The following CCDC92B variants were observed in gnomAD, a reference collection of about 807,000 sequenced individuals.
The protein encoded by CCDC92B is coiled-coil domain-containing 92B.
Under a neutral mutation model 5.6 loss-of-function variants are expected in CCDC92B, and 2 were observed. The observed-to-expected ratio is 0.36, with a 90% CI of 0.15 to 1.12. The LOEUF is 1.12. Among genes scored for constraint, CCDC92B ranks in the 50% most tolerant of loss-of-function variants. The pLI is 0.40. For missense variants in CCDC92B, 271 were observed against 262.2 expected (o/e 1.03, Z -0.23); for synonymous variants, 115 against 122.3 (o/e 0.94, Z 0.39).
chr17:2,738,304 C>T (rs1474348168), intron 1 of CCDC92B, among the ~76,000 whole-genome samples: 1 of 152,038 alleles, frequency 6.6e-6, no homozygotes, highest in Non-Finnish European at 1.5e-5. Flanking sequence ...TCCCAAAGTG[C>T]TGGGATTACA....
At chr17:2,725,116 CA>C in intron 3 of CCDC92B, 116 bp from the exon 4 acceptor site, 1 of 985,690 alleles carries the variant, frequency 1.0e-6, no homozygotes, top group African/African-American at 1.7e-5. Flanking sequence ...CTCATTTCTG[CA>C]ATCCCAGCAC....
rs140023591 is a variant in CCDC92B, at chr17:2,735,677, C to T, written c.-23-509G>A. Among the ~76,000 whole-genome samples the T allele has an allele frequency of 3.7e-3, 569 of 152,296 alleles. 3 individuals are homozygous for T. The highest frequency in any genetic ancestry group is 0.013 in the African/African-American group (520 of 41,562). ...AACTCCTAACCTCAGGAGATCCATC[C>T]GCCTTGGCCTCCCAGAGTGCCAGGA... is the stretch of plus-strand genomic sequence containing the variant. On this transcript the variant is annotated intron_variant, in intron 1 of 3. Transcript: ENST00000614400.
At chr17:2,739,049 C>T (rs1306850934) in intron 1 of CCDC92B, among the ~76,000 whole-genome samples, 3 of 145,290 alleles carry the variant, frequency 2.1e-5, no homozygotes, top group Non-Finnish European at 3.0e-5. Context: ...CCAGCCTGGG[C>T]AATAGAGCAA....
At chr17:2,746,163 G>C (rs922526998) in intron 1 of CCDC92B, among the ~76,000 whole-genome samples, 3 of 152,110 alleles carry the variant, frequency 2.0e-5, no homozygotes, top group Non-Finnish European at 4.4e-5. Flanking sequence ...TGTATTTTTA[G>C]TAGAGACGTG....
chr17:2,745,066 C>CA (rs60179555), intron 1 of CCDC92B, among the ~76,000 whole-genome samples: 26,263 of 79,204 alleles, frequency 0.33, 4,869 homozygotes, highest in Non-Finnish European at 0.46. Context: ...GACCCTGTCT[C>CA]AAAAAAAAAA....
chr17:2,725,201 C>G (rs2070713191), intron 3 of CCDC92B, among the ~76,000 whole-genome samples: 1 of 151,864 alleles, frequency 6.6e-6, no homozygotes, highest in Admixed American at 6.6e-5. Context: ...TGGTGAAACC[C>G]AGTCTCTACT....
At position 2,735,072 on chromosome 17, in the gene CCDC92B, A is replaced by C; in HGVS notation, c.74T>G (p.Met25Arg). Residue 25 changes from methionine (M) to arginine (R), a missense_variant, in exon 2 of 4, where the codon ATG (methionine) becomes AGG (arginine). Transcript: ENST00000614400. Reference sequence around the variant, plus strand: ...CAGGTGCAGGTCTCGCAGCAGGGCCATCTGCTCCTTTTTCAGGAAGCTGAT... The same window carrying C: ...CAGGTGCAGGTCTCGCAGCAGGGCCCTCTGCTCCTTTTTCAGGAAGCTGAT... ...RHISFLKKEQMALLRDLHLEI... is the reference protein window; with the variant it reads ...RHISFLKKEQRALLRDLHLEI... 1.0e-6 allele frequency: 1 copy of C among 985,538 alleles called. No homozygotes were observed. Among genetic ancestry groups the C allele is most frequent in the Non-Finnish European group, 1.2e-6 (1 of 830,008 alleles). The allele number at this position is 985,538 out of a possible 1,614,324, so 61.0% of individuals were successfully genotyped here.
At chr17:2,748,312 G>A in intron 1 of CCDC92B, 2 of 1,224,008 alleles carry the variant, frequency 1.6e-6, no homozygotes, top group Non-Finnish European at 2.1e-6. Context: ...TTACCATGAA[G>A]CCATCCCTGA....
In CCDC92B at chr17:2,725,080, C is replaced by T. The variant is rs987907432; in HGVS notation, c.179-80G>A. On this transcript the variant is annotated intron_variant, in intron 3 of 3. Transcript: ENST00000614400. Reference sequence around the variant, plus strand: ...CTGCACGGCTCAGAGCTCCGTGTAACAAAACCCCCAGGCCGGGCGCGGGGC... The same window carrying T: ...CTGCACGGCTCAGAGCTCCGTGTAATAAAACCCCCAGGCCGGGCGCGGGGC... The T allele has an allele frequency of 5.1e-6, 5 of 984,036 alleles. No individual in the cohort carries two copies. In the African/African-American group the frequency reaches 8.8e-5, roughly 17 times the overall value. The allele number at this position is 984,036 out of a possible 1,614,324, so 61.0% of individuals were successfully genotyped here. A position where few individuals can be genotyped will look rare whatever the true frequency, so the allele number is the denominator to read the frequency against.
intron 1 of CCDC92B, among the ~76,000 whole-genome samples, chr17:2,749,085 G>T (rs1035196554): frequency 2.0e-5 from 3 of 152,230 alleles, no homozygotes; most frequent in Non-Finnish European, 4.4e-5. Flanking sequence ...GGGTTGGGGG[G>T]GGGATGTGGA....
rs577441326 is a variant in CCDC92B, at chr17:2,723,890, G to T, written c.*521C>A. On this transcript the variant is annotated 3_prime_UTR_variant, in exon 4 of 4. Coordinates refer to ENST00000614400, the MANE Select transcript of CCDC92B (RefSeq NM_001355573.2). ...AAGGACCTATCGGCAGGGTCAGGGT[G>T]GGGGTAGAAGGACCAGCCCCTAGCC... 13 of 963,850 alleles carry T rather than the reference G, an allele frequency of 1.3e-5. No homozygotes were observed. Among genetic ancestry groups the T allele is most frequent in the Non-Finnish European group, 1.6e-5 (13 of 810,424 alleles). 59.7% of individuals were successfully genotyped at this position (963,850 alleles called of 1,614,324 possible).
At chr17:2,729,169 G>A (rs1483594689) in intron 3 of CCDC92B, among the ~76,000 whole-genome samples, 22 of 152,042 alleles carry the variant, frequency 1.4e-4, no homozygotes, top group Non-Finnish European at 4.4e-5. Flanking sequence ...ACCACACCTG[G>A]CCTTGTGATT....
rs75940773 is a variant in CCDC92B, at chr17:2,727,958, T to C, written c.178+2488A>G. 3.0e-4 allele frequency among the ~76,000 whole-genome samples: 45 copies of C among 152,134 alleles called. No homozygotes were observed. In the East Asian group the frequency reaches 8.7e-3, roughly 29 times the overall value. ...AGGAGTACAAAGCTGCAGTGAGCTA[T>C]GATTCTGCTACTGCACACTACAGCC... is the stretch of plus-strand genomic sequence containing the variant. On this transcript the variant is annotated intron_variant, in intron 3 of 3. Transcript: ENST00000614400.
intron 1 of CCDC92B, chr17:2,748,534 G>A (rs965328823): frequency 1.9e-5 from 19 of 978,390 alleles, no homozygotes; most frequent in Non-Finnish European, 4.8e-6. Context: ...GTGTGTGTGT[G>A]TGTGTGCATG....
chr17:2,724,549 G>A lies in CCDC92B; in HGVS notation c.630C>T (p.Pro210=), dbSNP rs1477518280. The change falls in exon 4 of 4, where the codon CCC becomes CCT. Residue 210 remains proline (P), a synonymous_variant. Transcript: ENST00000614400. The surrounding 1 kb of genome is among the most constrained non-coding windows in gnomAD (Gnocchi z 5.0). The part of the protein sequence containing the change: ...ALDDADPMPD[P]ALFLYARRPL... The stretch of plus-strand genomic sequence containing the variant: ...GCCTGCGTGCATAGAGGAAGAGCGC[G>A]GGGTCGGGCATGGGGTCGGCGTCGT... 11 of 982,266 alleles carry A rather than the reference G, an allele frequency of 1.1e-5. No homozygotes were observed. The East Asian group carries it at 5.7e-4, about 51-fold the overall frequency. The allele number at this position is 982,266 out of a possible 1,614,324, so 60.8% of individuals were successfully genotyped here.
intron 1 of CCDC92B, among the ~76,000 whole-genome samples, chr17:2,739,136 G>A (rs1015800102): frequency 1.3e-5 from 2 of 151,658 alleles, no homozygotes; most frequent in African/African-American, 2.4e-5. Context: ...GGGAGGCCAA[G>A]GTGGGCGGAT....
chr17:2,726,326 C>T (rs1210058526), intron 3 of CCDC92B, among the ~76,000 whole-genome samples: 1 of 148,700 alleles, frequency 6.7e-6, no homozygotes, highest in East Asian at 2.0e-4. Flanking sequence ...TACAGGCGCC[C>T]GCCACCATGC....
At position 2,725,014 on chromosome 17, in the gene CCDC92B, G is replaced by A; in HGVS notation, c.179-14C>T. 2.6e-5 allele frequency: 26 copies of A among 985,392 alleles called. No homozygotes were observed. The highest frequency in any genetic ancestry group is 3.1e-5 in the Non-Finnish European group (26 of 829,946). 61.0% of individuals were successfully genotyped at this position (985,392 alleles called of 1,614,324 possible). A position where few individuals can be genotyped will look rare whatever the true frequency, so the allele number is the denominator to read the frequency against. On this transcript the variant is annotated splice_polypyrimidine_tract_variant and intron_variant, in intron 3 of 3. Coordinates refer to ENST00000614400, the MANE Select transcript of CCDC92B (RefSeq NM_001355573.2). Reference sequence around the variant, plus strand: ...GGGACGCCGCCTCTGGAACGGGGCAGAGGCCAGAGGTGACGGTCTCCCCCT... The same window carrying A: ...GGGACGCCGCCTCTGGAACGGGGCAAAGGCCAGAGGTGACGGTCTCCCCCT...
chr17:2,729,219 G>A lies in CCDC92B; in HGVS notation c.178+1227C>T, dbSNP rs557151524. The stretch of plus-strand genomic sequence containing the variant: ...TAGTTACTATGTCCTGGCCAGACTC[G>A]GTGGCTCACACCTGTACTTCCAGCA... On this transcript the variant is annotated intron_variant, in intron 3 of 3. Transcript: ENST00000614400. Among the ~76,000 whole-genome samples the A allele has an allele frequency of 2.4e-3, 372 of 152,158 alleles. 1 individual carries two copies. Among genetic ancestry groups the A allele is most frequent in the African/African-American group, 8.6e-3 (358 of 41,510 alleles).
Sources: gnomAD v4.1 joint callset for allele counts (sites outside exome capture counted in the v4.1 genomes callset) on GRCh38, gnomAD v4.1.1 for gene constraint, Gnocchi (gnomAD v3.1) non-coding constraint, MANE v1.5 for transcripts, NCBI Gene and HGNC (gene_info 2026-07-23, HGNC 2026-07-21) for gene names.